The following COLGALT2 variants were observed in gnomAD, a reference collection of about 807,000 sequenced individuals.
COLGALT2 encodes the protein procollagen galactosyltransferase 2.
A neutral mutation model predicts 73.4 loss-of-function variants in COLGALT2; 49 were observed. The observed-to-expected ratio is 0.67, with a 90% CI of 0.53 to 0.85. The LOEUF is 0.85. Ranked by LOEUF, COLGALT2 falls within the 40% of genes least tolerant of loss-of-function variation. The probability of loss-of-function intolerance (pLI) is 0.00; values close to 1 mark genes in which losing one functional copy is unlikely to be tolerated. For synonymous variants in COLGALT2, 295 were observed against 307.6 expected (o/e 0.96, Z 0.43); for missense variants, 722 against 790.2 (o/e 0.91, Z 1.03).
intron 1 of COLGALT2, among the ~76,000 whole-genome samples, chr1:184,009,294 C>T (rs961220810): frequency 5.3e-5 from 8 of 152,222 alleles, no homozygotes; most frequent in Non-Finnish European, 7.3e-5. Flanking sequence ...TCTGTTTCAA[C>T]ATCCTGAAAT....
At chr1:184,009,136 T>C (rs1672167652) in intron 1 of COLGALT2, among the ~76,000 whole-genome samples, 1 of 152,176 alleles carries the variant, frequency 6.6e-6, no homozygotes, top group Non-Finnish European at 1.5e-5. Context: ...TATAGACAAA[T>C]AAGCCTGCAA....
intron 1 of COLGALT2, among the ~76,000 whole-genome samples, chr1:184,022,419 A>G (rs1394110661): frequency 6.6e-6 from 1 of 152,238 alleles, no homozygotes; most frequent in African/African-American, 2.4e-5. Flanking sequence ...TTGGAAACAC[A>G]GAAAGAAAAT....
intron 1 of COLGALT2, among the ~76,000 whole-genome samples, chr1:184,006,002 A>C (rs1272003040): frequency 6.6e-6 from 1 of 152,184 alleles, no homozygotes; most frequent in Non-Finnish European, 1.5e-5. Flanking sequence ...ATTGGAAAGA[A>C]ACCATCTTCA....
intron 1 of COLGALT2, 32 bp from the exon 2 acceptor site, chr1:183,978,552 T>C (rs1671268470): frequency 1.5e-6 from 2 of 1,317,592 alleles, no homozygotes; most frequent in Non-Finnish European, 2.2e-6. Context: ...ATAGTTTAAC[T>C]ATGTCATCCA....
intron 5 of COLGALT2, among the ~76,000 whole-genome samples, chr1:183,969,012 T>C (rs1670958462): frequency 6.6e-6 from 1 of 152,106 alleles, no homozygotes; most frequent in Non-Finnish European, 1.5e-5. Context: ...CACCTTCCCA[T>C]AATTCCCAAT....
intron 1 of COLGALT2, among the ~76,000 whole-genome samples, chr1:184,035,873 G>A (rs1649657674): frequency 1.3e-5 from 2 of 152,140 alleles, no homozygotes; most frequent in Non-Finnish European, 2.9e-5. Flanking sequence ...CGTATGGCAG[G>A]GTATATAGTA....
intron 1 of COLGALT2, among the ~76,000 whole-genome samples, chr1:183,992,309 G>A (rs1490384267): frequency 3.9e-5 from 6 of 152,186 alleles, no homozygotes; most frequent in Non-Finnish European, 8.8e-5. Context: ...GGCTTATTTT[G>A]AAGCTGTCCT....
At position 184,028,362 on chromosome 1, in the gene COLGALT2, G is replaced by A. The variant is rs1335222080; in HGVS notation, c.263+8733C>T. Among the ~76,000 whole-genome samples the A allele has an allele frequency of 8.5e-5, 13 of 152,248 alleles. No individual in the cohort carries two copies. In the South Asian group the frequency reaches 2.7e-3, roughly 32 times the overall value. ...TCAATGTACCTCCACAGACTCTCCT[G>A]TCTTAGAGTTATGTCTCTCTCTTGT... On this transcript the variant is annotated intron_variant, in intron 1 of 11. Transcript: ENST00000361927.
At chr1:184,006,605 T>TAAA (rs386368956) in intron 1 of COLGALT2, among the ~76,000 whole-genome samples, 1 of 149,986 alleles carries the variant, frequency 6.7e-6, no homozygotes, top group African/African-American at 2.4e-5. Context: ...AAAAATAAAA[T>TAAA]AATAATAATA....
Position 183,964,548 on chromosome 1 carries a change from T to C in COLGALT2, c.833-528A>G, listed in dbSNP as rs189617850. On this transcript the variant is annotated intron_variant, in intron 5 of 11. Coordinates refer to ENST00000361927, the MANE Select transcript of COLGALT2 (RefSeq NM_015101.4). ...CCAAGATTCTCCCTGGTTTTATTGC[T>C]TCCCTTAGCAGGCATGGATTTGGAG... is the stretch of plus-strand genomic sequence containing the variant. 6.7e-4 allele frequency: 103 copies of C among 153,102 alleles called. 1 individual carries two copies. The highest frequency in any genetic ancestry group is 1.0e-3 in the Admixed American group (16 of 15,326). The allele number at this position is 153,102 out of a possible 1,614,324, so 9.5% of individuals were successfully genotyped here.
intron 6 of COLGALT2, among the ~76,000 whole-genome samples, chr1:183,961,266 C>T (rs1670691618): frequency 6.6e-6 from 1 of 152,182 alleles, no homozygotes; most frequent in Admixed American, 6.5e-5. Context: ...CTCAAATGAA[C>T]TCTACCTGGC....
At chr1:183,982,260 T>C (rs1173057786) in intron 1 of COLGALT2, among the ~76,000 whole-genome samples, 4 of 152,104 alleles carry the variant, frequency 2.6e-5, no homozygotes, top group Non-Finnish European at 2.9e-5. Flanking sequence ...GAGGAGCCCT[T>C]AGCAACTCAC....
At position 183,938,580 on chromosome 1, in the gene COLGALT2, C is replaced by T; in HGVS notation, c.*181G>A. On this transcript the variant is annotated 3_prime_UTR_variant, in exon 12 of 12. Transcript: ENST00000361927. Reference sequence around the variant, plus strand: ...GTCTTGGGAAATTTGGGTTGAATTTCCTTATTTCCTTCCATGGTCAAAAAT... The same window carrying T: ...GTCTTGGGAAATTTGGGTTGAATTTTCTTATTTCCTTCCATGGTCAAAAAT... 7.0e-7 allele frequency: 1 copy of T among 1,423,154 alleles called. No homozygotes were observed. Among genetic ancestry groups the T allele is most frequent in the South Asian group, 1.6e-5 (1 of 62,970 alleles). 88.2% of individuals were successfully genotyped at this position (1,423,154 alleles called of 1,614,324 possible). A position where few individuals can be genotyped will look rare whatever the true frequency, so the allele number is the denominator to read the frequency against.
In COLGALT2 at chr1:183,951,083, C is replaced by A. The variant is rs777946870; in HGVS notation, c.1060G>T (p.Asp354Tyr). 5.6e-6 allele frequency: 9 copies of A among 1,613,774 alleles called. No homozygotes were observed. Among genetic ancestry groups the A allele is most frequent in the Non-Finnish European group, 5.9e-6 (7 of 1,179,758 alleles). The change falls in exon 8 of 12, where the codon GAC becomes TAC. Residue 354 changes from aspartate to tyrosine, a missense_variant. By Grantham distance (160) the Asp-to-Tyr change is radical (BLOSUM62 -3). Transcript: ENST00000361927. ...IFMINLKRRK[D>Y]RRDRMLRTLY... ...GTGCGCAGCATCCGGTCCCGCCTGT[C>A]CTTTCTGCGTTTGAGGTTTATCATG...
intron 1 of COLGALT2, among the ~76,000 whole-genome samples, chr1:184,006,247 C>A (rs1672076818): frequency 6.6e-6 from 1 of 152,094 alleles, no homozygotes; most frequent in African/African-American, 2.4e-5. Flanking sequence ...GTTCATAAAT[C>A]TTTAACTGCA....
At chr1:183,987,983 T>C (rs1175056661) in intron 1 of COLGALT2, among the ~76,000 whole-genome samples, 2 of 152,142 alleles carry the variant, frequency 1.3e-5, no homozygotes, top group South Asian at 2.1e-4. Flanking sequence ...GAAATCAACA[T>C]AAAAAACACA....
intron 3 of COLGALT2, among the ~76,000 whole-genome samples, chr1:183,974,249 G>A (rs1185415479): frequency 6.6e-6 from 1 of 152,118 alleles, no homozygotes; most frequent in East Asian, 1.9e-4. Context: ...AACCAGTGAA[G>A]CTATTTCCTA....
Position 183,930,491 on chromosome 1 carries a change from C to T in COLGALT2, c.1605-202G>A, listed in dbSNP as rs183070001. On this transcript the variant is annotated intron_variant, in intron 11 of 11. Coordinates refer to the COLGALT2 transcript ENST00000649786. ...GCAGACTCCGCTTCCTGGGCTCAAG[C>T]GATTCTCCAACCTCAGCCTCATGAG... 3.8e-3 allele frequency among the ~76,000 whole-genome samples: 578 copies of T among 151,892 alleles called. 2 individuals carry two copies. The highest frequency in any genetic ancestry group is 6.0e-3 in the Non-Finnish European group (408 of 67,956).
chr1:183,931,256 CT>C (rs1292535299), downstream of COLGALT2, among the ~76,000 whole-genome samples: 3 of 152,260 alleles, frequency 2.0e-5, no homozygotes, highest in East Asian at 1.9e-4. Context: ...GAGAGAATCC[CT>C]GGGATCTGTG....
Sources: allele counts gnomAD v4.1 joint callset (sites outside exome capture counted in the v4.1 genomes callset), GRCh38; gene constraint gnomAD v4.1.1; transcripts MANE v1.5; gene names NCBI Gene and HGNC (gene_info 2026-07-23, HGNC 2026-07-21).